Variants in CACNA2D3 observed in about 807,000 individuals in gnomAD.
The protein encoded by CACNA2D3 is voltage-dependent calcium channel subunit alpha-2/delta-3.
A neutral mutation model predicts 160.6 loss-of-function variants in CACNA2D3; 60 were observed. The ratio of observed to expected loss-of-function variants is 0.37; its 90% CI spans 0.30 to 0.46. The LOEUF is 0.46. Ranked by LOEUF, CACNA2D3 falls within the 20% of genes least tolerant of loss-of-function variation. The probability of loss-of-function intolerance (pLI) is 1.00; values close to 1 mark genes in which losing one functional copy is unlikely to be tolerated. For synonymous variants in CACNA2D3, 558 were observed against 492.9 expected (o/e 1.13, Z -1.75); for missense variants, 1,205 against 1,365.0 (o/e 0.88, Z 1.85).
At chr3:54,687,135 G>GTTTT (rs1290353261) in intron 11 of CACNA2D3, among the ~76,000 whole-genome samples, 10 of 88,904 alleles carry the variant, frequency 1.1e-4, no homozygotes, top group Admixed American at 4.1e-4. Context: ...TTTTTTTTTT[G>GTTTT]TTTTTTTTTT....
chr3:54,513,111 G>A (rs1167838001), intron 5 of CACNA2D3, among the ~76,000 whole-genome samples: 2 of 151,306 alleles, frequency 1.3e-5, no homozygotes, highest in African/African-American at 4.9e-5. Context: ...ATGAGATTTG[G>A]GCGGGGACAC....
At chr3:54,909,217 C>CAAG in intron 27 of CACNA2D3, among the ~76,000 whole-genome samples, 1 of 152,112 alleles carries the variant, frequency 6.6e-6, no homozygotes, top group South Asian at 2.1e-4. Flanking sequence ...AGTTAATCTT[C>CAAG]ACTCTAGCTT....
Position 54,879,404 on chromosome 3 carries a change from C to T in CACNA2D3, c.1837C>T (p.Pro613Ser), listed in dbSNP as rs867317108. 1 of 1,608,038 alleles carries T rather than the reference C, an allele frequency of 6.2e-7. No homozygotes were observed. The highest frequency in any genetic ancestry group is 8.5e-7 in the Non-Finnish European group (1 of 1,176,166). The change falls in exon 20 of 38, where the codon CCT (proline) becomes TCT (serine). Residue 613 changes from proline (P) to serine (S), a missense_variant. Pro to Ser is a moderately conservative substitution (Grantham distance 74). Coordinates refer to ENST00000474759, the MANE Select transcript of CACNA2D3 (RefSeq NM_018398.3). ...DYYYTDIKGTPFSLGVALSRG... is the reference protein window; with the variant it reads ...DYYYTDIKGTSFSLGVALSRG... ...CTATTATACAGACATCAAGGGTACTCCTTTCAGGTAGAGCTGACCATAATA... is the reference window on the plus strand; with the variant it reads ...CTATTATACAGACATCAAGGGTACTTCTTTCAGGTAGAGCTGACCATAATA...
intron 4 of CACNA2D3, among the ~76,000 whole-genome samples, chr3:54,498,730 C>T (rs1034198401): frequency 1.1e-4 from 16 of 151,894 alleles, no homozygotes; most frequent in African/African-American, 3.4e-4. Context: ...AACTTCTTCT[C>T]TAAGCTCTGC....
At chr3:54,342,669 A>T (rs1038479860) in intron 3 of CACNA2D3, among the ~76,000 whole-genome samples, 1 of 152,216 alleles carries the variant, frequency 6.6e-6, no homozygotes, top group African/African-American at 2.4e-5. Flanking sequence ...ACAAATTACC[A>T]ACTGGTTTAA....
chr3:55,067,108 G>A (rs180770403), intron 35 of CACNA2D3, among the ~76,000 whole-genome samples: 38 of 151,512 alleles, frequency 2.5e-4, no homozygotes, highest in Middle Eastern at 6.8e-3. Context: ...TAGCGGGGGG[G>A]GCTTTTCTCC....
At chr3:54,186,740 AATT>A (rs993776934) in intron 2 of CACNA2D3, among the ~76,000 whole-genome samples, 1 of 152,078 alleles carries the variant, frequency 6.6e-6, no homozygotes, top group African/African-American at 2.4e-5. Flanking sequence ...TGAAAAAAAA[AATT>A]AACTGAGTTA....
intron 2 of CACNA2D3, among the ~76,000 whole-genome samples, chr3:54,208,330 A>T (rs1576999585): frequency 6.6e-6 from 1 of 151,466 alleles, no homozygotes; most frequent in East Asian, 2.0e-4. Context: ...CTGGTCTCAA[A>T]CTCCTGACCT....
intron 3 of CACNA2D3, among the ~76,000 whole-genome samples, chr3:54,349,221 G>GAACAGA (rs1342578417): frequency 6.6e-6 from 1 of 152,200 alleles, no homozygotes; most frequent in Non-Finnish European, 1.5e-5. Flanking sequence ...TGGGGTTCAA[G>GAACAGA]AACAGGGACT....
Position 54,303,818 on chromosome 3 carries a change from G to GTTTTTTTTTT in CACNA2D3, c.205-16613_205-16604dup, listed in dbSNP as rs71617795. Among the ~76,000 whole-genome samples the GTTTTTTTTTT allele has an allele frequency of 5.3e-3, 609 of 114,980 alleles. 19 individuals are homozygous for GTTTTTTTTTT. Among genetic ancestry groups the GTTTTTTTTTT allele is most frequent in the African/African-American group, 0.016 (487 of 29,526 alleles). 75.4% of individuals were successfully genotyped at this position (114,980 alleles called of 152,430 possible). On this transcript the variant is annotated intron_variant, in intron 2 of 37. Transcript: ENST00000474759. ...CAGCCTCATCAGTGACTTTTTTTCT[G>GTTTTTTTTTT]TTTTTTTTTTTTTTTTTTTTCTATT...
At chr3:54,310,263 C>T (rs1703706355) in intron 2 of CACNA2D3, among the ~76,000 whole-genome samples, 1 of 152,050 alleles carries the variant, frequency 6.6e-6, no homozygotes, top group Admixed American at 6.5e-5. Context: ...GTGGTCCTAA[C>T]TTCAGTTTAA....
At chr3:54,333,995 A>G (rs1344870404) in intron 3 of CACNA2D3, among the ~76,000 whole-genome samples, 1 of 152,234 alleles carries the variant, frequency 6.6e-6, no homozygotes, top group Non-Finnish European at 1.5e-5. Flanking sequence ...GGCCCCAGCA[A>G]TTTAAGAAGG....
At chr3:54,621,916 T>C (rs186958683) in intron 9 of CACNA2D3, among the ~76,000 whole-genome samples, 11 of 152,336 alleles carry the variant, frequency 7.2e-5, no homozygotes, top group African/African-American at 2.6e-4. Context: ...AATGAAAGTC[T>C]CACTTTTTTT....
intron 2 of CACNA2D3, among the ~76,000 whole-genome samples, chr3:54,220,589 G>T (rs1010423347): frequency 3.9e-5 from 6 of 152,066 alleles, no homozygotes; most frequent in African/African-American, 1.4e-4. Context: ...TCCAGGCTGG[G>T]CAGCCTGGAG....
At chr3:54,202,567 C>T (rs985250301) in intron 2 of CACNA2D3, among the ~76,000 whole-genome samples, 6 of 152,134 alleles carry the variant, frequency 3.9e-5, no homozygotes, top group Non-Finnish European at 5.9e-5. Context: ...TGCTTGTGGT[C>T]TATTTACTAT....
chr3:54,669,637 C>T (rs1175740849), intron 11 of CACNA2D3, among the ~76,000 whole-genome samples: 2 of 152,056 alleles, frequency 1.3e-5, no homozygotes, highest in Non-Finnish European at 2.9e-5. Flanking sequence ...TGTTAATCGT[C>T]TTGCAAAGAG....
chr3:54,851,761 TTTA>T (rs1401707933), intron 17 of CACNA2D3, among the ~76,000 whole-genome samples: 5 of 152,236 alleles, frequency 3.3e-5, no homozygotes, highest in African/African-American at 1.2e-4. Context: ...AAGAATATAT[TTTA>T]TTATCCCAGC....
At chr3:54,921,141 C>T (rs1231480318) in intron 27 of CACNA2D3, among the ~76,000 whole-genome samples, 1 of 152,156 alleles carries the variant, frequency 6.6e-6, no homozygotes, top group African/African-American at 2.4e-5. Context: ...CAAGAAGCTC[C>T]AGCTTGCCAA....
At chr3:54,919,790 T>A (rs1315319571) in intron 27 of CACNA2D3, among the ~76,000 whole-genome samples, 1 of 152,234 alleles carries the variant, frequency 6.6e-6, no homozygotes, top group Non-Finnish European at 1.5e-5. Context: ...GTTAGATAAG[T>A]CCTAATACTC....
Sources: gnomAD v4.1 joint callset for allele counts (sites outside exome capture counted in the v4.1 genomes callset) on GRCh38, gnomAD v4.1.1 for gene constraint, MANE v1.5 for transcripts, NCBI Gene and HGNC (gene_info 2026-07-23, HGNC 2026-07-21) for gene names.